Variants in PKD1L3 observed in about 807,000 individuals in gnomAD.
The protein encoded by PKD1L3 is polycystin 1 like 3, transient receptor potential channel interacting.
Under a neutral mutation model 184.1 loss-of-function variants are expected in PKD1L3, and 239 were observed. The observed-to-expected ratio is 1.30, with a 90% CI of 1.17 to 1.45. The LOEUF (loss-of-function observed/expected upper bound fraction) is 1.45. PKD1L3 is among the 40% of genes most tolerant of loss of function. The probability of loss-of-function intolerance (pLI) is 0.00; values close to 1 mark genes in which losing one functional copy is unlikely to be tolerated. For missense variants in PKD1L3, 2,660 were observed against 2,067.2 expected (o/e 1.29, Z -5.56); for synonymous variants, 996 against 778.8 (o/e 1.28, Z -4.64).
intron 27 of PKD1L3, 92 bp from the exon 28 acceptor site, chr16:71,933,613 G>A: frequency 1.0e-6 from 1 of 964,184 alleles, no homozygotes; most frequent in Non-Finnish European, 1.6e-6. Flanking sequence ...TAGAAGCAAT[G>A]GAACAGAAAT....
chr16:71,977,578 T>TGAG, intron 10 of PKD1L3, 111 bp from the exon 11 acceptor site: 2 of 860,778 alleles, frequency 2.3e-6, no homozygotes, highest in Non-Finnish European at 3.5e-6. Flanking sequence ...TTTTTTTTTT[T>TGAG]TTGAGATGGG....
chr16:71,947,247 A>C (rs967156509), intron 22 of PKD1L3, among the ~76,000 whole-genome samples: 1 of 152,220 alleles, frequency 6.6e-6, no homozygotes, highest in African/African-American at 2.4e-5. Flanking sequence ...ACAAGAGTGA[A>C]ACTCCGTCTC....
In PKD1L3 at chr16:71,978,252, T is replaced by C; in HGVS notation, c.1527+3A>G. On this transcript the variant is annotated splice_donor_region_variant and intron_variant, in intron 10 of 29. Coordinates refer to ENST00000620267, the MANE Select transcript of PKD1L3 (RefSeq NM_181536.2). ...ATTTTATTCCCTAAGAATCAGTTCC[T>C]ACCTCAATGTCCTCCATTAAATCAT... The C allele has an allele frequency of 6.5e-7, 1 of 1,548,428 alleles. No homozygotes were observed. Among genetic ancestry groups the C allele is most frequent in the Non-Finnish European group, 8.7e-7 (1 of 1,144,758 alleles).
chr16:71,941,605 G>C (rs990819632), intron 24 of PKD1L3, among the ~76,000 whole-genome samples: 1 of 108,454 alleles, frequency 9.2e-6, no homozygotes, highest in Non-Finnish European at 1.7e-5. Flanking sequence ...TTTTTTTTGA[G>C]ATGGAGTCTC....
chr16:71,940,980 TG>T (rs1437999201), intron 24 of PKD1L3, among the ~76,000 whole-genome samples: 1 of 151,958 alleles, frequency 6.6e-6, no homozygotes, highest in Non-Finnish European at 1.5e-5. Flanking sequence ...AGACAACATG[TG>T]CACACCACCA....
At chr16:71,964,291 A>C in intron 15 of PKD1L3, among the ~76,000 whole-genome samples, 1 of 131,202 alleles carries the variant, frequency 7.6e-6, no homozygotes, top group African/African-American at 2.9e-5. Context: ...AAACCACTTA[A>C]ATTTCTCTCG....
At chr16:71,943,111 A>T in intron 23 of PKD1L3, 87 bp from the exon 24 acceptor site, 1 of 1,122,920 alleles carries the variant, frequency 8.9e-7, no homozygotes, top group African/African-American at 1.6e-5. Flanking sequence ...AAGTCTATAG[A>T]CTTATGCAGG....
At chr16:71,976,026 C>T (rs925225385) in intron 11 of PKD1L3, among the ~76,000 whole-genome samples, 3 of 151,732 alleles carry the variant, frequency 2.0e-5, no homozygotes, top group African/African-American at 7.3e-5. Context: ...CAGCTCACTG[C>T]AACCTCTGCC....
At chr16:71,931,180 A>G (rs886363584) in intron 28 of PKD1L3, 1 of 152,038 alleles carries the variant, frequency 6.6e-6, no homozygotes, top group Non-Finnish European at 1.5e-5. Flanking sequence ...TTTATCCCCA[A>G]AAGGAGGTGT....
intron 21 of PKD1L3, among the ~76,000 whole-genome samples, chr16:71,948,585 G>T (rs1033864988): frequency 3.9e-5 from 6 of 152,122 alleles, no homozygotes; most frequent in Non-Finnish European, 8.8e-5. Context: ...TGCAGAAGTT[G>T]CAGGTTGTCA....
At position 71,993,295 on chromosome 16, in the gene PKD1L3, A is replaced by G. The variant is rs9931901; in HGVS notation, c.456T>C (p.Asn152=). The change falls in exon 3 of 30, where the codon AAT becomes AAC. Residue 152 remains asparagine (N), a synonymous_variant. Coordinates refer to ENST00000620267, the MANE Select transcript of PKD1L3 (RefSeq NM_181536.2). ...FLDGDAHYER[N]GNNSHLYQRH... Reference sequence around the variant, plus strand: ...TCTGGTACAAATGGGAATTATTTCCATTTCTTTCATAATGGGCATCTCCGT... The same window carrying G: ...TCTGGTACAAATGGGAATTATTTCCGTTTCTTTCATAATGGGCATCTCCGT... The G allele has an allele frequency of 0.011, 16,952 of 1,549,050 alleles. 1,426 individuals carry two copies. The African/African-American group carries it at 0.19, about 17-fold the overall frequency.
At chr16:71,994,501 T>A (rs977403297) in intron 2 of PKD1L3, among the ~76,000 whole-genome samples, 1 of 152,172 alleles carries the variant, frequency 6.6e-6, no homozygotes, top group Non-Finnish European at 1.5e-5. Context: ...TCCCTCTAGT[T>A]GTTTGGTAGC....
intron 29 of PKD1L3, 81 bp downstream of exon 29, chr16:71,929,971 C>T: frequency 7.1e-7 from 1 of 1,405,224 alleles, no homozygotes; most frequent in Non-Finnish European, 9.5e-7. Context: ...TAAATTATGT[C>T]AGCCCGTCAT....
chr16:71,966,224 C>G (rs947988818), intron 15 of PKD1L3, among the ~76,000 whole-genome samples: 1 of 152,120 alleles, frequency 6.6e-6, no homozygotes, highest in African/African-American at 2.4e-5. Flanking sequence ...CTCCAAGGAA[C>G]CAGTAATCCT....
chr16:71,944,119 T>A lies in PKD1L3; in HGVS notation c.3770A>T (p.Tyr1257Phe). Residue 1257 changes from tyrosine (Y) to phenylalanine (F), a missense_variant, in exon 23 of 30, where the codon TAT becomes TTT. By Grantham distance (22) the Tyr-to-Phe change is conservative (BLOSUM62 3). Transcript: ENST00000620267. ...TGGACTATTTATAGCTGGGGCTACA[T>A]AGACGGGGTTGTTCTTATCTCTTGA... The part of the protein sequence containing the change: ...PGSRDKNNPV[Y>F]VAPAINSPTK... The A allele has an allele frequency of 1.3e-6, 2 of 1,551,574 alleles. No individual in the cohort carries two copies. Among genetic ancestry groups the A allele is most frequent in the Non-Finnish European group, 1.7e-6 (2 of 1,146,678 alleles).
intron 11 of PKD1L3, among the ~76,000 whole-genome samples, chr16:71,976,555 C>T (rs997567993): frequency 3.3e-5 from 5 of 152,048 alleles, no homozygotes; most frequent in Admixed American, 2.6e-4. Context: ...CTCTGCCTGG[C>T]CTGTCTCTGT....
At position 71,977,455 on chromosome 16, in the gene PKD1L3, T is replaced by G; in HGVS notation, c.1540A>C (p.Arg514=). Residue 514 remains arginine (R), a synonymous_variant, in exon 11 of 30, where the codon AGA becomes CGA. Transcript: ENST00000620267. The part of the protein sequence containing the change: ...LMEDIEIMLW[R]NVSLETHPTS... ...GGATGGGTTTCCAAGCTAACATTTC[T>G]CCAGAGCATGATCTAGAATAAGAGA... is the stretch of plus-strand genomic sequence containing the variant. 1 of 1,548,372 alleles carries G rather than the reference T, an allele frequency of 6.5e-7. No homozygotes were observed. The highest frequency in any genetic ancestry group is 8.7e-7 in the Non-Finnish European group (1 of 1,144,006).
rs775232184 is a variant in PKD1L3, at chr16:71,982,153, T to C, written c.1049A>G (p.Lys350Arg). The change falls in exon 7 of 30, where the codon AAA becomes AGA. Residue 350 changes from lysine (K) to arginine (R), a missense_variant. Transcript: ENST00000620267. The part of the protein sequence containing the change: ...PFQNNNSLGF[K>R]VPPTVCPFHS... ...AAAGGGGCAGACAGTTGGAGGAACTTTGAAGCCCAGACTGTTGTTGTTCTG... is the reference window on the plus strand; with the variant it reads ...AAAGGGGCAGACAGTTGGAGGAACTCTGAAGCCCAGACTGTTGTTGTTCTG... 6 of 1,551,766 alleles carry C rather than the reference T, an allele frequency of 3.9e-6. No individual in the cohort carries two copies. The East Asian group carries it at 9.8e-5, about 25-fold the overall frequency.
chr16:71,960,184 A>G (rs1319609048), intron 16 of PKD1L3, among the ~76,000 whole-genome samples: 1 of 151,726 alleles, frequency 6.6e-6, no homozygotes, highest in African/African-American at 2.4e-5. Flanking sequence ...AAAAAACCAA[A>G]AAAAACTACA....
Sources: allele counts gnomAD v4.1 joint callset (sites outside exome capture counted in the v4.1 genomes callset), GRCh38; gene constraint gnomAD v4.1.1; transcripts MANE v1.5; gene names NCBI Gene and HGNC (gene_info 2026-07-23, HGNC 2026-07-21).